The following SH3KBP1 variants were observed in gnomAD, a reference collection of about 807,000 sequenced individuals.
The protein encoded by SH3KBP1 is SH3 domain containing kinase binding protein 1.
A neutral mutation model predicts 50.1 loss-of-function variants in SH3KBP1; 8 were observed. The observed-to-expected ratio is 0.16, with a 90% confidence interval of 0.09 to 0.29. The LOEUF (loss-of-function observed/expected upper bound fraction) is 0.29, where lower values mean the gene tolerates loss of function less well. Among genes scored for constraint, SH3KBP1 ranks in the 10% least tolerant of loss-of-function variants. SH3KBP1 has a pLI of 1.00. For missense variants in SH3KBP1, 377 were observed against 535.2 expected (o/e 0.70, Z 2.92); for synonymous variants, 227 against 218.6 (o/e 1.04, Z -0.34).
intron 6 of SH3KBP1, among the ~76,000 whole-genome samples, chrX:19,665,736 A>C (rs902684116): frequency 2.7e-5 from 3 of 111,899 alleles, no homozygotes; most frequent in Non-Finnish European, 5.6e-5. Context: ...CTGTGATCTA[A>C]ATGCTTTAAG....
chrX:19,600,851 T>TAA (rs1288113770), intron 9 of SH3KBP1, among the ~76,000 whole-genome samples: 1 of 108,786 alleles, frequency 9.2e-6, no homozygotes, highest in African/African-American at 3.4e-5. Context: ...AGGTAAGTGC[T>TAA]AAAAAAAAAC....
At chrX:19,861,259 C>T (rs2068768598) in intron 1 of SH3KBP1, among the ~76,000 whole-genome samples, 1 of 109,537 alleles carries the variant, frequency 9.1e-6, no homozygotes, top group Non-Finnish European at 1.9e-5. Context: ...CACCTGTAGT[C>T]CCAGCTACTC....
intron 4 of SH3KBP1, 43 bp from the exon 5 acceptor site, chrX:19,695,784 T>A (rs776619513): frequency 8.4e-7 from 1 of 1,195,445 alleles, no homozygotes; most frequent in Non-Finnish European, 1.1e-6. Flanking sequence ...ATGGGTCAGG[T>A]TAGACATGGT....
intron 2 of SH3KBP1, among the ~76,000 whole-genome samples, chrX:19,752,041 T>C (rs1296000225): frequency 1.8e-5 from 2 of 112,518 alleles, no homozygotes; most frequent in Admixed American, 9.4e-5. Context: ...TTAACTCCTT[T>C]AAATTAACTG....
intron 2 of SH3KBP1, among the ~76,000 whole-genome samples, chrX:19,759,306 G>A (rs189827136): frequency 1.8e-5 from 2 of 111,485 alleles, no homozygotes; most frequent in African/African-American, 3.3e-5. Flanking sequence ...CCCTAAGACC[G>A]TTCTTGCTCT....
At chrX:19,738,009 T>C (rs1054910659) in intron 3 of SH3KBP1, among the ~76,000 whole-genome samples, 2 of 112,254 alleles carry the variant, frequency 1.8e-5, no homozygotes, top group African/African-American at 6.5e-5. Context: ...ACTCAAACAT[T>C]TCCCATGAGA....
At chrX:19,699,327 C>A (rs950302456) in intron 4 of SH3KBP1, among the ~76,000 whole-genome samples, 1 of 112,457 alleles carries the variant, frequency 8.9e-6, no homozygotes, top group Admixed American at 9.4e-5. Context: ...GAATACCACA[C>A]CAAGGGCTTA....
At chrX:19,776,281 C>T (rs2148903651) in intron 2 of SH3KBP1, among the ~76,000 whole-genome samples, 1 of 110,786 alleles carries the variant, frequency 9.0e-6, no homozygotes, top group South Asian at 3.8e-4. Context: ...GAGATTCTTG[C>T]TCAAGTGGCC....
intron 12 of SH3KBP1, among the ~76,000 whole-genome samples, chrX:19,570,826 C>G (rs2065984049): frequency 9.0e-6 from 1 of 111,492 alleles, no homozygotes; most frequent in Non-Finnish European, 1.9e-5. Flanking sequence ...TGTGGTGGTG[C>G]ACGCCTGTGG....
chrX:19,812,546 T>C (rs1396871124), intron 2 of SH3KBP1, among the ~76,000 whole-genome samples: 1 of 110,153 alleles, frequency 9.1e-6, no homozygotes, highest in Non-Finnish European at 1.9e-5. Flanking sequence ...AAGAAAGAAC[T>C]TGGCCAGCAT....
At position 19,643,309 on chromosome X, in the gene SH3KBP1, TTTTTTTTTTTTTA is replaced by T. The variant is rs1165698151; in HGVS notation, c.802+2078_802+2090del. On this transcript the variant is annotated intron_variant, in intron 7 of 17. Coordinates refer to ENST00000397821, the MANE Select transcript of SH3KBP1 (RefSeq NM_031892.3). Reference sequence around the variant, plus strand: ...GGGCTGAAACTGAAGAATTTTTTATTTTTTTTTTTTTTATTTTTTTTTTTTTTTGAGACAGGGT... The same window carrying T: ...GGGCTGAAACTGAAGAATTTTTTATTTTTTTTTTTTTTTTTGAGACAGGGT... Among the ~76,000 whole-genome samples the T allele has an allele frequency of 3.8e-3, 324 of 85,533 alleles. 13 individuals carry two copies. The highest frequency in any genetic ancestry group is 0.02 in the African/African-American group (310 of 15,632). 74.3% of individuals were successfully genotyped at this position (85,533 alleles called of 115,157 possible).
At chrX:19,712,447 T>C (rs1010159857) in intron 3 of SH3KBP1, among the ~76,000 whole-genome samples, 1 of 111,844 alleles carries the variant, frequency 8.9e-6, no homozygotes, top group African/African-American at 3.3e-5. Flanking sequence ...GAAGATCAGA[T>C]AGATAGTTAT....
chrX:19,857,132 G>A (rs1231137959), intron 1 of SH3KBP1, among the ~76,000 whole-genome samples: 2 of 108,006 alleles, frequency 1.9e-5, no homozygotes, highest in African/African-American at 6.7e-5. Context: ...ACTGGAGGCG[G>A]GGAGGGCAGG....
At chrX:19,887,091 C>G (rs1323901765) in intron 1 of SH3KBP1, among the ~76,000 whole-genome samples, 2 of 111,713 alleles carry the variant, frequency 1.8e-5, no homozygotes, top group South Asian at 7.3e-4. Flanking sequence ...TGCTCAGGCC[C>G]CCGCGGGTTC....
At chrX:19,780,062 T>G (rs1189973447) in intron 2 of SH3KBP1, among the ~76,000 whole-genome samples, 9 of 109,490 alleles carry the variant, frequency 8.2e-5, no homozygotes, top group African/African-American at 2.3e-4. Context: ...CCACCAACAG[T>G]GTAAAAGTGT....
chrX:19,613,118 C>A (rs1334028562), intron 8 of SH3KBP1, among the ~76,000 whole-genome samples: 1 of 112,149 alleles, frequency 8.9e-6, no homozygotes, highest in Non-Finnish European at 1.9e-5. Flanking sequence ...GCCATCAGGG[C>A]GGAAGTGGAT....
chrX:19,546,637 T>C (rs964708743), intron 14 of SH3KBP1, among the ~76,000 whole-genome samples: 1 of 112,333 alleles, frequency 8.9e-6, no homozygotes, highest in Non-Finnish European at 1.9e-5. Flanking sequence ...GTGACCAGTG[T>C]TTCCTCAGCT....
At chrX:19,705,350 G>A (rs776564064) in intron 4 of SH3KBP1, among the ~76,000 whole-genome samples, 29 of 111,213 alleles carry the variant, frequency 2.6e-4, no homozygotes, top group Non-Finnish European at 1.5e-4. Context: ...GCTTCAAATC[G>A]TACCAAAATC....
intron 11 of SH3KBP1, among the ~76,000 whole-genome samples, chrX:19,590,394 C>T (rs539186044): frequency 6.3e-5 from 7 of 111,642 alleles, no homozygotes; most frequent in African/African-American, 2.3e-4. Context: ...TTCCCTATTG[C>T]ATCTGACCAG....
Sources: allele counts gnomAD v4.1 joint callset (sites outside exome capture counted in the v4.1 genomes callset), GRCh38; gene constraint gnomAD v4.1.1; transcripts MANE v1.5; gene names NCBI Gene and HGNC (gene_info 2026-07-23, HGNC 2026-07-21).